The following ANGPTL1 variants were observed in gnomAD, a reference collection of about 807,000 sequenced individuals.
The protein encoded by ANGPTL1 is angiopoietin-related protein 1.
ANGPTL1 carries 36 observed loss-of-function variants against 46.7 expected under a neutral mutation model. The observed-to-expected ratio is 0.77, with a 90% CI of 0.59 to 1.02. ANGPTL1 has a LOEUF of 1.02. ANGPTL1 is among the 50% of genes least tolerant of loss of function. The pLI is 0.00. For synonymous variants in ANGPTL1, 221 were observed against 204.3 expected, an observed-to-expected ratio of 1.08 and a Z score of -0.69; for missense variants, 571 against 594.7, an observed-to-expected ratio of 0.96 and a Z score of 0.41.
intron 3 of ANGPTL1, among the ~76,000 whole-genome samples, chr1:178,854,499 C>T (rs1226655582): frequency 1.3e-5 from 2 of 152,026 alleles, no homozygotes; most frequent in Non-Finnish European, 2.9e-5. Flanking sequence ...TTAAATTTCC[C>T]CCAACAACAC....
chr1:178,853,251 A>G lies in ANGPTL1; in HGVS notation c.1018-298T>C, dbSNP rs557960227. ...TCCATAGCTACTAAAAATATTAGCT[A>G]GTATACTACCCAGATCCTTAAAAAG... On this transcript the variant is annotated intron_variant, in intron 4 of 5. Coordinates refer to ENST00000234816, the MANE Select transcript of ANGPTL1 (RefSeq NM_004673.4). The G allele has an allele frequency of 2.7e-5, 26 of 971,718 alleles. No homozygotes were observed. The African/African-American group carries it at 4.2e-4, about 16-fold the overall frequency. The allele number at this position is 971,718 out of a possible 1,614,324, so 60.2% of individuals were successfully genotyped here. A position where few individuals can be genotyped will look rare whatever the true frequency, so the allele number is the denominator to read the frequency against.
intron 3 of ANGPTL1, among the ~76,000 whole-genome samples, chr1:178,856,285 T>C (rs1275550262): frequency 1.4e-5 from 2 of 143,910 alleles, no homozygotes; most frequent in Non-Finnish European, 3.0e-5. Context: ...TGGAGTGCAG[T>C]GGTGTAGTCA....
In ANGPTL1 at chr1:178,864,891, G is replaced by T. The variant is rs2102334655; in HGVS notation, c.823+63C>A. On this transcript the variant is annotated intron_variant, in intron 3 of 5. Coordinates refer to ENST00000234816, the MANE Select transcript of ANGPTL1 (RefSeq NM_004673.4). ...TGAATAAGCATTTATTATGAGCATT[G>T]TTTCATAAGGCATAAAAATATAAAC... 4 of 1,131,358 alleles carry T rather than the reference G, an allele frequency of 3.5e-6. No individual in the cohort carries two copies. In the East Asian group the frequency reaches 1.0e-4, roughly 29 times the overall value. The allele number at this position is 1,131,358 out of a possible 1,614,324, so 70.1% of individuals were successfully genotyped here.
rs1558148436 is a variant in ANGPTL1, at chr1:178,850,146, C to T, written c.*983G>A. ...TGAATTCTCAGTATCGGGAAAACAG[C>T]CAACAGTTCCTTGAGTTTGTTTTAG... On this transcript the variant is annotated 3_prime_UTR_variant, in exon 6 of 6. Coordinates refer to ENST00000234816, the MANE Select transcript of ANGPTL1 (RefSeq NM_004673.4). 1 of 152,662 alleles carries T rather than the reference C, an allele frequency of 6.6e-6. No individual in the cohort carries two copies. Among genetic ancestry groups the T allele is most frequent in the Non-Finnish European group, 1.5e-5 (1 of 68,052 alleles). 9.5% of individuals were successfully genotyped at this position (152,662 alleles called of 1,614,324 possible).
intron 3 of ANGPTL1, among the ~76,000 whole-genome samples, chr1:178,856,209 A>G (rs1429481641): frequency 1.6e-5 from 1 of 61,610 alleles, no homozygotes; most frequent in Non-Finnish European, 4.1e-5. Flanking sequence ...AGAGATATAT[A>G]TATATATATA....
At chr1:178,858,597 T>C (rs1368255156) in intron 3 of ANGPTL1, among the ~76,000 whole-genome samples, 1 of 152,186 alleles carries the variant, frequency 6.6e-6, no homozygotes, top group African/African-American at 2.4e-5. Flanking sequence ...TACATTGAAT[T>C]TGAAGAACCA....
At position 178,867,295 on chromosome 1, in the gene ANGPTL1, G is replaced by A. The variant is rs533171645; in HGVS notation, c.-26-1493C>T. Among the ~76,000 whole-genome samples, 3 of 152,098 alleles carry A rather than the reference G, an allele frequency of 2.0e-5. No homozygotes were observed. In the South Asian group the frequency reaches 6.2e-4, roughly 32 times the overall value. On this transcript the variant is annotated intron_variant, in intron 2 of 5. Coordinates refer to ENST00000234816, the MANE Select transcript of ANGPTL1 (RefSeq NM_004673.4). ...TCCCCACTTTCAGATGGAAAACTTGGCATCCAAAAGTTAAGTACCTTATTA... is the reference window on the plus strand; with the variant it reads ...TCCCCACTTTCAGATGGAAAACTTGACATCCAAAAGTTAAGTACCTTATTA...
In ANGPTL1 at chr1:178,864,881, TATG is replaced by T. The variant is rs1465100334; in HGVS notation, c.823+70_823+72del. 15 of 1,039,378 alleles carry T rather than the reference TATG, an allele frequency of 1.4e-5. No homozygotes were observed. The African/African-American group carries it at 2.4e-4, about 17-fold the overall frequency. The allele number at this position is 1,039,378 out of a possible 1,614,324, so 64.4% of individuals were successfully genotyped here. On this transcript the variant is annotated intron_variant, in intron 3 of 5. Coordinates refer to ENST00000234816, the MANE Select transcript of ANGPTL1 (RefSeq NM_004673.4). ...CATCGCAAAATGAATAAGCATTTAT[TATG>T]AGCATTGTTTCATAAGGCATAAAAA...
rs892644355 is a variant in ANGPTL1 at position 178,851,412 on chromosome 1, C to G, written c.1289-96G>C. 5 of 1,114,320 alleles carry G rather than the reference C, an allele frequency of 4.5e-6. No homozygotes were observed. In the African/African-American group the frequency reaches 8.0e-5, roughly 18 times the overall value. The allele number at this position is 1,114,320 out of a possible 1,614,324, so 69.0% of individuals were successfully genotyped here. The stretch of plus-strand genomic sequence containing the variant: ...CTTATTCTACCTTTAATTTGAACTT[C>G]CCTTACTAATCCCAGTTACCTTTAT... On this transcript the variant is annotated intron_variant, in intron 5 of 5. Transcript: ENST00000234816.
chr1:178,863,984 A>G (rs1658213101), intron 3 of ANGPTL1, among the ~76,000 whole-genome samples: 1 of 152,184 alleles, frequency 6.6e-6, no homozygotes, highest in African/African-American at 2.4e-5. Context: ...ATGAGCTGCA[A>G]TTTATTTACT....
chr1:178,864,385 G>C (rs1426988973), intron 3 of ANGPTL1, among the ~76,000 whole-genome samples: 2 of 152,078 alleles, frequency 1.3e-5, no homozygotes, highest in African/African-American at 2.4e-5. Flanking sequence ...CGGCAAGAAG[G>C]CATGGCTTTT....
At chr1:178,866,776 A>G (rs1658439691) in intron 2 of ANGPTL1, among the ~76,000 whole-genome samples, 1 of 152,168 alleles carries the variant, frequency 6.6e-6, no homozygotes, top group Non-Finnish European at 1.5e-5. Context: ...GTCAGTATTT[A>G]TAGAAGCAGC....
At chr1:178,855,313 T>C (rs1558151834) in intron 3 of ANGPTL1, among the ~76,000 whole-genome samples, 1 of 145,768 alleles carries the variant, frequency 6.9e-6, no homozygotes. Flanking sequence ...TTTTTTTTTT[T>C]ACTTCATATC....
chr1:178,856,252 T>C lies in ANGPTL1; in HGVS notation c.824-2465A>G, dbSNP rs185393746. The stretch of plus-strand genomic sequence containing the variant: ...ATATATATGGTTTTGGGTTTTGTTT[T>C]TTTTGGAGCCTGTTTCCCAGGCTGG... On this transcript the variant is annotated intron_variant, in intron 3 of 5. Coordinates refer to ENST00000234816, the MANE Select transcript of ANGPTL1 (RefSeq NM_004673.4). Among the ~76,000 whole-genome samples, 792 of 144,736 alleles carry C rather than the reference T, an allele frequency of 5.5e-3. 17 individuals are homozygous for C. The highest frequency in any genetic ancestry group is 0.02 in the African/African-American group (765 of 38,234). 95.0% of individuals were successfully genotyped at this position (144,736 alleles called of 152,430 possible). A position where few individuals can be genotyped will look rare whatever the true frequency, so the allele number is the denominator to read the frequency against.
At position 178,870,891 on chromosome 1, in the gene ANGPTL1, CT is replaced by C. The variant is rs1300303252; in HGVS notation, c.-288del. 6 of 152,124 alleles carry C rather than the reference CT, an allele frequency of 3.9e-5. No homozygotes were observed. The allele number at this position is 152,124 out of a possible 1,614,324, so 9.4% of individuals were successfully genotyped here. A position where few individuals can be genotyped will look rare whatever the true frequency, so the allele number is the denominator to read the frequency against. On this transcript the variant is annotated 5_prime_UTR_variant, in exon 1 of 6. Transcript: ENST00000234816. The stretch of plus-strand genomic sequence containing the variant: ...GAATCCAAGCTGTAAGAAGGAACTT[CT>C]TTTTCCTTTTACAATACTAATCAAT...
rs778815111 is a variant in ANGPTL1, at chr1:178,851,180, G to A, written c.1425C>T (p.Gly475=). 1.3e-5 allele frequency: 21 copies of A among 1,613,740 alleles called. No individual in the cohort carries two copies. The South Asian group carries it at 1.8e-4, about 14-fold the overall frequency. Residue 475 remains glycine (G), a synonymous_variant, in exon 6 of 6, where the codon GGC becomes GGT. Coordinates refer to ENST00000234816, the MANE Select transcript of ANGPTL1 (RefSeq NM_004673.4). ...GAACTGCTCTTAAGGAGTATGACCCGCCTCTGTATTCGGCCCAGAAAATTC... is the reference window on the plus strand; with the variant it reads ...GAACTGCTCTTAAGGAGTATGACCCACCTCTGTATTCGGCCCAGAAAATTC... ...QDGIFWAEYR[G]GSYSLRAVQM...
chr1:178,855,296 C>CTTT (rs71677302), intron 3 of ANGPTL1, among the ~76,000 whole-genome samples: 1 of 135,904 alleles, frequency 7.4e-6, no homozygotes. Flanking sequence ...AGGACAGAGA[C>CTTT]TTTTTTTTTT....
At chr1:178,857,421 CA>C in intron 3 of ANGPTL1, among the ~76,000 whole-genome samples, 1 of 152,190 alleles carries the variant, frequency 6.6e-6, no homozygotes, top group East Asian at 1.9e-4. Context: ...GATAAAGAAA[CA>C]ACCTTAGAGT....
In ANGPTL1 at chr1:178,856,884, C is replaced by T. The variant is rs776248592; in HGVS notation, c.824-3097G>A. On this transcript the variant is annotated intron_variant, in intron 3 of 5. Coordinates refer to ENST00000234816, the MANE Select transcript of ANGPTL1 (RefSeq NM_004673.4). ...CGTTAAAAATAGTAGCCAATTTTAGCTCTTAACATAATTTGTATTCAGCTG... is the reference window on the plus strand; with the variant it reads ...CGTTAAAAATAGTAGCCAATTTTAGTTCTTAACATAATTTGTATTCAGCTG... 1.2e-4 allele frequency among the ~76,000 whole-genome samples: 19 copies of T among 152,110 alleles called. 1 individual carries two copies. Among genetic ancestry groups the T allele is most frequent in the Non-Finnish European group, 2.5e-4 (17 of 68,008 alleles).
Sources: allele counts gnomAD v4.1 joint callset (sites outside exome capture counted in the v4.1 genomes callset), GRCh38; gene constraint gnomAD v4.1.1; transcripts MANE v1.5; gene names NCBI Gene and HGNC (gene_info 2026-07-23, HGNC 2026-07-21).